Variants in SRGAP3 observed in about 807,000 individuals in gnomAD.
SRGAP3 encodes SLIT-ROBO Rho GTPase activating protein 3, also known as SLIT-ROBO Rho GTPase-activating protein 3.
Under a neutral mutation model 121.1 loss-of-function variants are expected in SRGAP3, and 39 were observed. The observed-to-expected ratio is 0.32, with a 90% CI of 0.25 to 0.42. SRGAP3 has a LOEUF of 0.42. SRGAP3 is among the 10% of genes least tolerant of loss of function. The pLI is 1.00. For synonymous variants in SRGAP3, 601 were observed against 570.0 expected (o/e 1.05, Z -0.77); for missense variants, 1,213 against 1,470.6 (o/e 0.82, Z 2.86).
chr3:9,194,888 A>ACAG (rs1951871388), intron 1 of SRGAP3, among the ~76,000 whole-genome samples: 1 of 152,238 alleles, frequency 6.6e-6, no homozygotes, highest in Non-Finnish European at 1.5e-5. Context: ...GGTGGTGGCT[A>ACAG]CCAGTGGCTC....
chr3:9,310,079 T>C (rs1387701208), intron 3 of SRGAP3, among the ~76,000 whole-genome samples: 2 of 152,162 alleles, frequency 1.3e-5, no homozygotes, highest in African/African-American at 4.8e-5. Context: ...TTTCTTGTTA[T>C]ACAGAAAAGA....
At chr3:9,085,913 A>C (rs1265753476) in intron 3 of SRGAP3, among the ~76,000 whole-genome samples, 1 of 152,192 alleles carries the variant, frequency 6.6e-6, no homozygotes, top group East Asian at 1.9e-4. Flanking sequence ...CTCCCATGAC[A>C]CACGTTTACC....
chr3:9,014,005 T>C, intron 15 of SRGAP3, 163 bp from the exon 16 acceptor site: 1 of 705,024 alleles, frequency 1.4e-6, no homozygotes, highest in Non-Finnish European at 2.6e-6. Flanking sequence ...AATCAGAGCA[T>C]CCATCTCCCT....
intron 1 of SRGAP3, chr3:9,219,340 C>G (rs895226069): frequency 1.3e-5 from 2 of 152,154 alleles, no homozygotes; most frequent in Middle Eastern, 3.4e-3. Flanking sequence ...TCATGGTTGT[C>G]GAGGACTCTG....
chr3:8,995,841 C>T (rs1197446733), intron 18 of SRGAP3, among the ~76,000 whole-genome samples: 2 of 152,178 alleles, frequency 1.3e-5, no homozygotes, highest in African/African-American at 2.4e-5. Context: ...AGAGGTTTAA[C>T]ATTATAATTC....
chr3:9,311,650 G>T (rs186384532), intron 3 of SRGAP3, among the ~76,000 whole-genome samples: 9 of 152,058 alleles, frequency 5.9e-5, no homozygotes, highest in African/African-American at 2.2e-4. Flanking sequence ...TTCTTCCTTC[G>T]ACTTTTTTTC....
intron 4 of SRGAP3, among the ~76,000 whole-genome samples, chr3:9,067,089 A>C (rs1486443301): frequency 6.6e-6 from 1 of 152,142 alleles, no homozygotes; most frequent in Non-Finnish European, 1.5e-5. Context: ...GCTGAGAACA[A>C]TACCTTCCAC....
chr3:9,293,211 G>C (rs1954897903), intron 3 of SRGAP3: 1 of 152,162 alleles, frequency 6.6e-6, no homozygotes, highest in Non-Finnish European at 1.5e-5. Context: ...AGGAAAATGA[G>C]TCAACAAAAC....
intron 10 of SRGAP3, among the ~76,000 whole-genome samples, chr3:9,043,920 C>T (rs1191122966): frequency 1.5e-4 from 23 of 152,176 alleles, no homozygotes; most frequent in Non-Finnish European, 7.3e-5. Flanking sequence ...AGAATACCCA[C>T]ACCCCAGAGC....
At chr3:9,252,694 C>A (rs907758391), upstream of SRGAP3, among the ~76,000 whole-genome samples, 11 of 152,206 alleles carry the variant, frequency 7.2e-5, no homozygotes, top group African/African-American at 2.7e-4. Context: ...GGTCCTCACC[C>A]TTCCAGTCCT....
chr3:9,255,833 C>G (rs1165083573), intron 3 of SRGAP3, among the ~76,000 whole-genome samples: 1 of 152,160 alleles, frequency 6.6e-6, no homozygotes, highest in Non-Finnish European at 1.5e-5. Context: ...ACTTATAAAG[C>G]ATCTTCTCAT....
chr3:9,302,670 G>T (rs77609543), intron 3 of SRGAP3, among the ~76,000 whole-genome samples: 1 of 152,292 alleles, frequency 6.6e-6, no homozygotes, highest in African/African-American at 2.4e-5. Context: ...ACCCCTGCTG[G>T]CTGTAGAACG....
At chr3:8,990,948 G>A (rs571727055) in intron 20 of SRGAP3, 109 bp from the exon 21 acceptor site, 8 of 1,006,542 alleles carry the variant, frequency 7.9e-6, no homozygotes, top group Admixed American at 3.0e-5. Flanking sequence ...TCTAAGGAGC[G>A]GGTACAGTAA....
At chr3:9,337,113 C>T (rs1955706907) in intron 1 of SRGAP3, among the ~76,000 whole-genome samples, 1 of 152,158 alleles carries the variant, frequency 6.6e-6, no homozygotes, top group African/African-American at 2.4e-5. Context: ...GCTGATGTCC[C>T]AGTTCAAAGT....
At chr3:9,036,931 T>A (rs1944774400) in intron 11 of SRGAP3, 1 of 152,230 alleles carries the variant, frequency 6.6e-6, no homozygotes, top group Non-Finnish European at 1.5e-5. Flanking sequence ...GTGTGAATCA[T>A]CCTGATGTTT....
At chr3:9,248,277 T>C (rs1172507513) in intron 1 of SRGAP3, among the ~76,000 whole-genome samples, 2 of 152,316 alleles carry the variant, frequency 1.3e-5, no homozygotes, top group East Asian at 3.9e-4. Flanking sequence ...GCTCCCTTTT[T>C]ATGCCCAAAT....
intron 6 of SRGAP3, 49 bp from the exon 7 acceptor site, chr3:9,058,521 G>A (rs936767268): frequency 6.3e-7 from 1 of 1,581,572 alleles, no homozygotes; most frequent in Non-Finnish European, 8.7e-7. Flanking sequence ...CCAGGATGTG[G>A]AGGGGCGGTC....
At chr3:9,160,273 T>G (rs1236315233) in intron 1 of SRGAP3, among the ~76,000 whole-genome samples, 1 of 152,226 alleles carries the variant, frequency 6.6e-6, no homozygotes, top group Admixed American at 6.5e-5. Context: ...TCCCCCTAAG[T>G]GTGGGACATA....
At chr3:9,257,526 T>C (rs1954157013) in intron 3 of SRGAP3, 1 of 152,074 alleles carries the variant, frequency 6.6e-6, no homozygotes, top group Non-Finnish European at 1.5e-5. Flanking sequence ...TATTTCTTTA[T>C]GGCACCCTAA....
Sources: allele counts gnomAD v4.1 joint callset (sites outside exome capture counted in the v4.1 genomes callset), GRCh38; gene constraint gnomAD v4.1.1; transcripts MANE v1.5; gene names NCBI Gene and HGNC (gene_info 2026-07-23, HGNC 2026-07-21).